Variants in WIPF3 observed in about 807,000 individuals in gnomAD.
WIPF3 encodes WAS/WASL-interacting protein family member 3.
WIPF3 carries 33 observed loss-of-function variants against 38.9 expected under a neutral mutation model. That is an observed-to-expected ratio of 0.85 (90% confidence interval 0.64 to 1.14). The LOEUF is 1.14. WIPF3 is among the 50% of genes most tolerant of loss of function. WIPF3 has a pLI of 0.00. For synonymous variants in WIPF3, 324 were observed against 269.3 expected (o/e 1.20, Z -1.99); for missense variants, 711 against 652.5 (o/e 1.09, Z -0.98).
At chr7:29,868,725 C>T (rs905171241) in intron 2 of WIPF3, among the ~76,000 whole-genome samples, 1 of 152,058 alleles carries the variant, frequency 6.6e-6, no homozygotes, top group African/African-American at 2.4e-5. Flanking sequence ...TACTGCACAC[C>T]TAGGTTATGT....
chr7:29,808,886 C>T (rs1438782059), intron 1 of WIPF3, among the ~76,000 whole-genome samples: 3 of 152,080 alleles, frequency 2.0e-5, no homozygotes, highest in African/African-American at 7.2e-5. Context: ...TAGGAAAGAT[C>T]CGAGAAAACA....
chr7:29,822,796 A>G (rs990712931), intron 1 of WIPF3, among the ~76,000 whole-genome samples: 3 of 152,214 alleles, frequency 2.0e-5, no homozygotes, highest in Non-Finnish European at 4.4e-5. Flanking sequence ...TTTCTTTGTT[A>G]TCTTGAGATG....
chr7:29,808,398 A>G (rs1304081425), intron 1 of WIPF3, among the ~76,000 whole-genome samples: 1 of 152,218 alleles, frequency 6.6e-6, no homozygotes, highest in African/African-American at 2.4e-5. Context: ...TAACAGAGAT[A>G]TTGTTATTGT....
intron 8 of WIPF3, chr7:29,905,787 G>C (rs753729635): frequency 6.6e-6 from 1 of 152,106 alleles, no homozygotes; most frequent in Non-Finnish European, 1.5e-5. Context: ...TGGCCTCCTG[G>C]GGATTTCAAG....
chr7:29,833,413 G>C (rs1386652563), intron 1 of WIPF3, among the ~76,000 whole-genome samples: 1 of 152,234 alleles, frequency 6.6e-6, no homozygotes, highest in Non-Finnish European at 1.5e-5. Flanking sequence ...AAGAGTTAAT[G>C]TCTCTGAACA....
chr7:29,851,695 G>T (rs1400381990), intron 2 of WIPF3, among the ~76,000 whole-genome samples: 1 of 152,224 alleles, frequency 6.6e-6, no homozygotes, highest in East Asian at 1.9e-4. Flanking sequence ...AGGGCTATTG[G>T]CAAGACCAGC....
At chr7:29,807,132 G>A in intron 1 of WIPF3, among the ~76,000 whole-genome samples, 1 of 152,092 alleles carries the variant, frequency 6.6e-6, no homozygotes, top group South Asian at 2.1e-4. Flanking sequence ...GAAGGGCTGG[G>A]GCGGAGTAAA....
chr7:29,898,657 C>T (rs1199520153), intron 7 of WIPF3, among the ~76,000 whole-genome samples: 1 of 152,202 alleles, frequency 6.6e-6, no homozygotes, highest in African/African-American at 2.4e-5. Context: ...ATTTCCAGAA[C>T]ATTCCAAGTA....
chr7:29,881,797 G>A (rs1026621374), intron 4 of WIPF3, among the ~76,000 whole-genome samples: 3 of 152,230 alleles, frequency 2.0e-5, no homozygotes, highest in African/African-American at 7.2e-5. Flanking sequence ...AAACCTGCAT[G>A]TTCTAAAAGC....
At chr7:29,880,567 A>C (rs1785694390) in intron 4 of WIPF3, among the ~76,000 whole-genome samples, 1 of 152,192 alleles carries the variant, frequency 6.6e-6, no homozygotes, top group African/African-American at 2.4e-5. Flanking sequence ...GAAGGCTTCC[A>C]CCAGTTTCTC....
At chr7:29,867,664 TA>T (rs1480790449) in intron 2 of WIPF3, among the ~76,000 whole-genome samples, 1 of 150,950 alleles carries the variant, frequency 6.6e-6, no homozygotes, top group East Asian at 2.0e-4. Context: ...AATTTAGTCT[TA>T]AAAGCCTGAG....
intron 2 of WIPF3, among the ~76,000 whole-genome samples, chr7:29,870,205 T>C (rs1785470395): frequency 6.6e-6 from 1 of 152,074 alleles, no homozygotes; most frequent in South Asian, 2.1e-4. Flanking sequence ...GAGTGGAAAG[T>C]CTGGGCTGGT....
At chr7:29,876,115 G>A (rs1437366648) in intron 3 of WIPF3, among the ~76,000 whole-genome samples, 153 bp downstream of exon 3, 1 of 152,228 alleles carries the variant, frequency 6.6e-6, no homozygotes, top group African/African-American at 2.4e-5. Flanking sequence ...AAGTGGGCGA[G>A]AGAACCAGAG....
chr7:29,908,831 C>T (rs1786449272), intron 8 of WIPF3, among the ~76,000 whole-genome samples: 1 of 151,182 alleles, frequency 6.6e-6, no homozygotes. Flanking sequence ...TCACTTGAAC[C>T]CAGGAGACAG....
intron 2 of WIPF3, among the ~76,000 whole-genome samples, chr7:29,852,134 T>C (rs1017545078): frequency 3.3e-5 from 5 of 152,176 alleles, no homozygotes; most frequent in Non-Finnish European, 7.3e-5. Context: ...CCCAAATAGC[T>C]GAGACTACAG....
intron 2 of WIPF3, among the ~76,000 whole-genome samples, chr7:29,872,475 G>T (rs1029898595): frequency 1.3e-5 from 2 of 152,124 alleles, no homozygotes; most frequent in African/African-American, 4.8e-5. Flanking sequence ...GCACAGGAGA[G>T]GAGAGGATTG....
intron 1 of WIPF3, among the ~76,000 whole-genome samples, chr7:29,811,938 T>A (rs1784386181): frequency 6.6e-6 from 1 of 152,218 alleles, no homozygotes; most frequent in Non-Finnish European, 1.5e-5. Context: ...AACAGTCTCA[T>A]CTTTAAGAAC....
chr7:29,854,706 G>T (rs1785160723), intron 2 of WIPF3, among the ~76,000 whole-genome samples: 1 of 152,178 alleles, frequency 6.6e-6, no homozygotes, highest in African/African-American at 2.4e-5. Flanking sequence ...CTGTGACTCG[G>T]TCGTAGACTC....
At chr7:29,848,697 T>C (rs1233988385) in intron 2 of WIPF3, among the ~76,000 whole-genome samples, 4 of 152,210 alleles carry the variant, frequency 2.6e-5, no homozygotes, top group African/African-American at 9.6e-5. Context: ...TTTTAAGAGC[T>C]CTTTTCTTCT....
Sources: gnomAD v4.1 joint callset for allele counts (sites outside exome capture counted in the v4.1 genomes callset) on GRCh38, gnomAD v4.1.1 for gene constraint, MANE v1.5 for transcripts, NCBI Gene and HGNC (gene_info 2026-07-23, HGNC 2026-07-21) for gene names.